The following PARVA variants were observed in gnomAD, a reference collection of about 807,000 sequenced individuals.
PARVA encodes the protein alpha-parvin.
PARVA carries 25 observed loss-of-function variants against 52.6 expected under a neutral mutation model. The observed-to-expected ratio is 0.48, with a 90% confidence interval of 0.35 to 0.66. The LOEUF is 0.66. Ranked by LOEUF, PARVA falls within the 30% of genes least tolerant of loss-of-function variation. PARVA has a pLI of 0.01. For missense variants in PARVA, 373 were observed against 450.9 expected (o/e 0.83, Z 1.56); for synonymous variants, 185 against 179.1 (o/e 1.03, Z -0.26).
At chr11:12,510,450 A>G (rs1396487139) in intron 7 of PARVA, among the ~76,000 whole-genome samples, 1 of 152,234 alleles carries the variant, frequency 6.6e-6, no homozygotes, top group Non-Finnish European at 1.5e-5. Context: ...ATTTACCATA[A>G]TTATCTTCAT....
chr11:12,466,717 GT>G (rs377571213), intron 1 of PARVA, among the ~76,000 whole-genome samples: 3,889 of 147,748 alleles, frequency 0.026, 196 homozygotes, highest in African/African-American at 0.09. Flanking sequence ...CAGATTTTCT[GT>G]TTTTTTTTTC....
chr11:12,468,786 A>C (rs553779693), intron 1 of PARVA, among the ~76,000 whole-genome samples: 17 of 152,338 alleles, frequency 1.1e-4, no homozygotes, highest in Admixed American at 1.1e-3. Context: ...AAATGGCTGC[A>C]ACAAATCCAG....
At chr11:12,466,994 A>T (rs1940862405) in intron 1 of PARVA, among the ~76,000 whole-genome samples, 1 of 152,212 alleles carries the variant, frequency 6.6e-6, no homozygotes, top group Admixed American at 6.5e-5. Context: ...TGAAATCTTA[A>T]GTTTTCCAGT....
At chr11:12,394,971 A>G (rs2134958439) in intron 1 of PARVA, among the ~76,000 whole-genome samples, 1 of 152,178 alleles carries the variant, frequency 6.6e-6, no homozygotes, top group Non-Finnish European at 1.5e-5. Flanking sequence ...CATGCCTTTA[A>G]TCCCAGCTAC....
intron 1 of PARVA, among the ~76,000 whole-genome samples, chr11:12,453,619 G>C (rs965128686): frequency 1.3e-5 from 2 of 152,154 alleles, no homozygotes; most frequent in African/African-American, 4.8e-5. Context: ...ACTGAGGTGG[G>C]TTTTATTGAT....
At chr11:12,412,268 A>G (rs572916631) in intron 1 of PARVA, among the ~76,000 whole-genome samples, 3 of 152,340 alleles carry the variant, frequency 2.0e-5, no homozygotes, top group Admixed American at 6.5e-5. Context: ...AGAGATGCTT[A>G]ATGAATGACT....
chr11:12,451,720 T>C (rs935547380), intron 1 of PARVA, among the ~76,000 whole-genome samples: 2 of 152,214 alleles, frequency 1.3e-5, no homozygotes, highest in African/African-American at 4.8e-5. Context: ...GATAAATTCA[T>C]TTACAAAGTC....
At chr11:12,494,893 G>A (rs1479661534) in intron 4 of PARVA, among the ~76,000 whole-genome samples, 2 of 152,130 alleles carry the variant, frequency 1.3e-5, no homozygotes, top group Non-Finnish European at 2.9e-5. Context: ...CTTTGCCTCT[G>A]AGCCAAGATA....
At chr11:12,415,762 T>C (rs2134979166) in intron 1 of PARVA, among the ~76,000 whole-genome samples, 1 of 152,340 alleles carries the variant, frequency 6.6e-6, no homozygotes, top group East Asian at 1.9e-4. Flanking sequence ...CAAAGGGATA[T>C]CTTTCTGCTC....
intron 1 of PARVA, among the ~76,000 whole-genome samples, chr11:12,405,788 C>T (rs1256146515): frequency 6.6e-6 from 1 of 152,050 alleles, no homozygotes; most frequent in East Asian, 1.9e-4. Context: ...GAAACCCCAT[C>T]TCTACTAAAA....
At chr11:12,440,783 C>A (rs886540073) in intron 1 of PARVA, among the ~76,000 whole-genome samples, 136 of 152,364 alleles carry the variant, frequency 8.9e-4, no homozygotes, top group African/African-American at 3.1e-3. Context: ...CATAGGGCCC[C>A]TCCATGTCAG....
intron 1 of PARVA, among the ~76,000 whole-genome samples, chr11:12,395,165 A>T (rs1939723059): frequency 6.6e-6 from 1 of 151,796 alleles, no homozygotes; most frequent in Non-Finnish European, 1.5e-5. Flanking sequence ...CAGATACTTT[A>T]TTTTTGATTC....
At chr11:12,414,639 T>TC (rs1440356525) in intron 1 of PARVA, among the ~76,000 whole-genome samples, 3 of 150,318 alleles carry the variant, frequency 2.0e-5, no homozygotes, top group African/African-American at 7.3e-5. Context: ...AAAATTTCAT[T>TC]TTTTTTTTTT....
rs764266817 is a variant in PARVA at position 12,523,620 on chromosome 11, G to C, written c.1043-4229G>C. ...ATAGAAAGAGTCACTAATACCTCTG[G>C]GGGGGAGGAGCAAACAATGAGCCCT... On this transcript the variant is annotated intron_variant, in intron 12 of 12. Transcript: ENST00000334956. 5.9e-5 allele frequency among the ~76,000 whole-genome samples: 9 copies of C among 152,184 alleles called. No homozygotes were observed. In the South Asian group the frequency reaches 8.3e-4, roughly 14 times the overall value.
chr11:12,405,141 C>A (rs996534461), intron 1 of PARVA, among the ~76,000 whole-genome samples: 8 of 151,528 alleles, frequency 5.3e-5, no homozygotes, highest in Non-Finnish European at 1.0e-4. Context: ...TCCTTCTGGG[C>A]AAGAAAAAAG....
intron 1 of PARVA, among the ~76,000 whole-genome samples, chr11:12,455,390 G>A (rs1940681481): frequency 6.6e-6 from 1 of 152,152 alleles, no homozygotes; most frequent in Admixed American, 6.5e-5. Flanking sequence ...TTCAAAATGA[G>A]TGGGTTTCCT....
chr11:12,502,128 G>T (rs961354540), intron 5 of PARVA, among the ~76,000 whole-genome samples: 1 of 152,110 alleles, frequency 6.6e-6, no homozygotes, highest in African/African-American at 2.4e-5. Context: ...AGTTAACAAG[G>T]CCCGAAAGCC....
chr11:12,527,363 C>A (rs2135093729), intron 12 of PARVA, among the ~76,000 whole-genome samples: 1 of 152,228 alleles, frequency 6.6e-6, no homozygotes, highest in Middle Eastern at 3.4e-3. Context: ...GAGGAACCTC[C>A]AGCTGAAGTT....
intron 1 of PARVA, among the ~76,000 whole-genome samples, chr11:12,429,920 A>T (rs1940292504): frequency 6.6e-6 from 1 of 152,100 alleles, no homozygotes; most frequent in African/African-American, 2.4e-5. Flanking sequence ...TTCTTTGCTG[A>T]TCGTATAACA....
Sources: allele counts gnomAD v4.1 joint callset (sites outside exome capture counted in the v4.1 genomes callset), GRCh38; gene constraint gnomAD v4.1.1; transcripts MANE v1.5; gene names NCBI Gene and HGNC (gene_info 2026-07-23, HGNC 2026-07-21).